The following DOCK4 variants were observed in gnomAD, a reference collection of about 807,000 sequenced individuals.
DOCK4 encodes the protein dedicator of cytokinesis protein 4.
In DOCK4, 97 loss-of-function variants were observed where a neutral mutation model predicts 268.1. The ratio of observed to expected loss-of-function variants is 0.36; its 90% CI spans 0.31 to 0.43. DOCK4 has a LOEUF of 0.43. DOCK4 is among the 20% of genes least tolerant of loss of function. DOCK4 has a pLI of 1.00. For synonymous variants in DOCK4, 954 were observed against 887.2 expected (o/e 1.08, Z -1.34); for missense variants, 2,145 against 2,455.7 (o/e 0.87, Z 2.67).
chr7:111,985,044 T>C (rs1798944411), intron 6 of DOCK4, among the ~76,000 whole-genome samples: 1 of 152,140 alleles, frequency 6.6e-6, no homozygotes, highest in Admixed American at 6.5e-5. Context: ...TGAGAAGTAT[T>C]CTAAGGTTAT....
chr7:111,973,674 T>TC (rs1234727654), intron 8 of DOCK4, among the ~76,000 whole-genome samples: 1 of 130,496 alleles, frequency 7.7e-6, no homozygotes, highest in Non-Finnish European at 1.5e-5. Context: ...CCTTTAGAGT[T>TC]CCTTTTTTTT....
chr7:111,827,966 T>C lies in DOCK4; in HGVS notation c.2836-5510A>G, dbSNP rs553939812. 4.6e-5 allele frequency among the ~76,000 whole-genome samples: 7 copies of C among 152,302 alleles called. No homozygotes were observed. The South Asian group carries it at 1.2e-3, about 27-fold the overall frequency. On this transcript the variant is annotated intron_variant, in intron 26 of 52. Coordinates refer to ENST00000428084, the MANE Select transcript of DOCK4 (RefSeq NM_001363540.2). Reference sequence around the variant, plus strand: ...TGCTGTACTTAACTTCCAGCTCATGTATAATCTTGTGCTTATAGCAAGATC... The same window carrying C: ...TGCTGTACTTAACTTCCAGCTCATGCATAATCTTGTGCTTATAGCAAGATC...
At chr7:112,181,615 G>T in intron 1 of DOCK4, among the ~76,000 whole-genome samples, 1 of 116,618 alleles carries the variant, frequency 8.6e-6, no homozygotes, top group South Asian at 2.8e-4. Flanking sequence ...ACTCCAGCCT[G>T]AGCAACAGAG....
rs565421855 is a variant in DOCK4 at position 111,894,079 on chromosome 7, G to A, written c.1587+1533C>T. 2.1e-3 allele frequency among the ~76,000 whole-genome samples: 327 copies of A among 152,110 alleles called. 1 individual carries two copies. The highest frequency in any genetic ancestry group is 7.8e-3 in the African/African-American group (323 of 41,510). ...TCTACTAAAAATACAAAAATTAGCCGGGCATGGTGGCGGGTGCCTGGTGTC... is the reference window on the plus strand; with the variant it reads ...TCTACTAAAAATACAAAAATTAGCCAGGCATGGTGGCGGGTGCCTGGTGTC... On this transcript the variant is annotated intron_variant, in intron 16 of 52. Coordinates refer to ENST00000428084, the MANE Select transcript of DOCK4 (RefSeq NM_001363540.2).
intron 1 of DOCK4, among the ~76,000 whole-genome samples, chr7:112,006,922 T>C (rs1800909522): frequency 6.6e-6 from 1 of 152,240 alleles, no homozygotes; most frequent in South Asian, 2.1e-4. Context: ...CACTGCCCTA[T>C]GCTCAGCCAC....
At chr7:111,730,025 C>T (rs1356572829) in intron 52 of DOCK4, among the ~76,000 whole-genome samples, 1 of 152,094 alleles carries the variant, frequency 6.6e-6, no homozygotes, top group African/African-American at 2.4e-5. Flanking sequence ...TAGAGATAAT[C>T]TTTAAAAGCT....
At chr7:111,997,366 G>A (rs1018907789) in intron 4 of DOCK4, among the ~76,000 whole-genome samples, 1 of 152,168 alleles carries the variant, frequency 6.6e-6, no homozygotes, top group East Asian at 1.9e-4. Context: ...CTATTACTGA[G>A]TGCTACTACT....
intron 26 of DOCK4, among the ~76,000 whole-genome samples, chr7:111,827,225 TTAAG>T (rs1802473780): frequency 6.6e-6 from 1 of 152,210 alleles, no homozygotes; most frequent in Admixed American, 6.5e-5. Context: ...AATGGAATCT[TTAAG>T]TATCTTACGC....
chr7:111,783,018 GA>G (rs35825505), intron 34 of DOCK4, 94 bp from the exon 35 acceptor site: 160,490 of 503,876 alleles, frequency 0.32, 5,533 homozygotes, highest in East Asian at 0.44. Context: ...AAGAAAGAAA[GA>G]AAAAAAAAAA....
chr7:112,006,666 C>T (rs1304358717), intron 1 of DOCK4, among the ~76,000 whole-genome samples: 1 of 152,198 alleles, frequency 6.6e-6, no homozygotes, highest in Non-Finnish European at 1.5e-5. Flanking sequence ...CCCTGCCAGT[C>T]GCAAATTCTG....
At chr7:111,760,371 TACAG>T (rs1305432893) in intron 39 of DOCK4, 49 bp from the exon 40 acceptor site, 11 of 1,573,640 alleles carry the variant, frequency 7.0e-6, no homozygotes, top group Non-Finnish European at 9.5e-6. Context: ...CTGAGTGGAT[TACAG>T]ACAGAGCCAA....
At chr7:111,757,498 A>T (rs536308867) in intron 41 of DOCK4, among the ~76,000 whole-genome samples, 6 of 152,348 alleles carry the variant, frequency 3.9e-5, no homozygotes, top group South Asian at 2.1e-4. Context: ...TTTGGAAGGC[A>T]CAAAGAATAA....
chr7:111,754,770 C>T (rs1796909796), intron 42 of DOCK4, among the ~76,000 whole-genome samples: 1 of 152,150 alleles, frequency 6.6e-6, no homozygotes, highest in Non-Finnish European at 1.5e-5. Context: ...GGGCCTGGAG[C>T]TGGGGTCACA....
At chr7:111,778,136 A>AATATATATCCAATT (rs1798567981) in intron 36 of DOCK4, 140 bp downstream of exon 36, 1 of 578,388 alleles carries the variant, frequency 1.7e-6, no homozygotes, top group Non-Finnish European at 3.0e-6. Context: ...AATCTGCAGA[A>AATATATATCCAATT]ATATATATCC....
intron 23 of DOCK4, among the ~76,000 whole-genome samples, chr7:111,851,446 A>C (rs1804546458): frequency 9.4e-6 from 1 of 106,150 alleles, no homozygotes; most frequent in African/African-American, 6.3e-5. Flanking sequence ...CTCCATCTCA[A>C]AAAAAAAAAA....
At position 111,928,422 on chromosome 7, in the gene DOCK4, T is replaced by G. The variant is rs149218473; in HGVS notation, c.1066+7118A>C. ...TTCCATTCACATCATTTGGATTTAGTTTTATTTTTTTTAAATACTGCATGA... is the reference window on the plus strand; with the variant it reads ...TTCCATTCACATCATTTGGATTTAGGTTTATTTTTTTTAAATACTGCATGA... On this transcript the variant is annotated intron_variant, in intron 12 of 52. Transcript: ENST00000428084. Among the ~76,000 whole-genome samples, 549 of 152,212 alleles carry G rather than the reference T, an allele frequency of 3.6e-3. 5 individuals carry two copies. The highest frequency in any genetic ancestry group is 0.012 in the African/African-American group (514 of 41,524).
rs557144471 is a variant in DOCK4 at position 112,072,826 on chromosome 7, C to T, written c.38-68695G>A. Among the ~76,000 whole-genome samples the T allele has an allele frequency of 2.8e-4, 42 of 152,282 alleles. 2 individuals are homozygous for T. In the South Asian group the frequency reaches 8.1e-3, roughly 29 times the overall value. ...AAATGCACACTAAGAGGTAAAATGG[C>T]GGAGCTTTACTGGTATACAACCTTC... is the stretch of plus-strand genomic sequence containing the variant. On this transcript the variant is annotated intron_variant, in intron 1 of 52. Coordinates refer to ENST00000428084, the MANE Select transcript of DOCK4 (RefSeq NM_001363540.2).
At chr7:112,189,754 T>TTG (rs891225517) in intron 1 of DOCK4, among the ~76,000 whole-genome samples, 4 of 145,338 alleles carry the variant, frequency 2.8e-5, no homozygotes, top group Non-Finnish European at 4.6e-5. Context: ...TTGTTTTTTT[T>TTG]TTTTTTTTTT....
intron 26 of DOCK4, among the ~76,000 whole-genome samples, chr7:111,831,488 T>C (rs1802805390): frequency 7.5e-6 from 1 of 133,412 alleles, no homozygotes; most frequent in Non-Finnish European, 1.5e-5. Context: ...CTTTCCTTTT[T>C]CTTTTTTTTT....
Sources: gnomAD v4.1 joint callset for allele counts (sites outside exome capture counted in the v4.1 genomes callset) on GRCh38, gnomAD v4.1.1 for gene constraint, MANE v1.5 for transcripts, NCBI Gene and HGNC (gene_info 2026-07-23, HGNC 2026-07-21) for gene names.